Variants in LSAMP observed in about 807,000 individuals in gnomAD.
LSAMP encodes the protein limbic system associated membrane protein.
LSAMP carries 7 observed loss-of-function variants against 38.6 expected under a neutral mutation model. The ratio of observed to expected loss-of-function variants is 0.18; its 90% CI spans 0.10 to 0.34. The LOEUF (loss-of-function observed/expected upper bound fraction) is 0.34. Ranked by LOEUF, LSAMP falls within the 10% of genes least tolerant of loss-of-function variation. The probability of loss-of-function intolerance (pLI) is 1.00; values close to 1 mark genes in which losing one functional copy is unlikely to be tolerated. For missense variants in LSAMP, 313 were observed against 420.0 expected (o/e 0.75, Z 2.23); for synonymous variants, 154 against 166.8 (o/e 0.92, Z 0.59).
chr3:116,262,516 G>A (rs2046837455), intron 1 of LSAMP, among the ~76,000 whole-genome samples: 1 of 152,150 alleles, frequency 6.6e-6, no homozygotes, highest in Non-Finnish European at 1.5e-5. Context: ...AGATGCCCAA[G>A]CCCTGTCTGG....
chr3:115,992,038 A>G (rs1449205763), intron 3 of LSAMP, among the ~76,000 whole-genome samples: 1 of 152,090 alleles, frequency 6.6e-6, no homozygotes, highest in Non-Finnish European at 1.5e-5. Context: ...GGTGGACAGC[A>G]TGGATGTAGA....
At chr3:116,197,130 GACACAC>G (rs10650049) in intron 1 of LSAMP, among the ~76,000 whole-genome samples, 16 of 136,744 alleles carry the variant, frequency 1.2e-4, no homozygotes, top group East Asian at 8.6e-4. Flanking sequence ...ATCCCACTCG[GACACAC>G]ACACACACAC....
intron 2 of LSAMP, among the ~76,000 whole-genome samples, chr3:116,049,999 C>T (rs1274157602): frequency 6.6e-6 from 1 of 152,150 alleles, no homozygotes; most frequent in Non-Finnish European, 1.5e-5. Context: ...AGTGGCCCAT[C>T]CCCTGATGTC....
intron 3 of LSAMP, among the ~76,000 whole-genome samples, chr3:115,982,604 A>T (rs9873260): frequency 6.6e-6 from 1 of 151,748 alleles, no homozygotes; most frequent in Non-Finnish European, 1.5e-5. Context: ...TCAGGTTTTT[A>T]AAAACCTTTT....
In LSAMP at chr3:115,858,127, G is replaced by A. The variant is rs144945995; in HGVS notation, c.515-5510C>T. 8.9e-3 allele frequency among the ~76,000 whole-genome samples: 1,214 copies of A among 136,332 alleles called. 21 individuals are homozygous for A. Among genetic ancestry groups the A allele is most frequent in the Admixed American group, 0.041 (530 of 12,878 alleles). The allele number at this position is 136,332 out of a possible 152,430, so 89.4% of individuals were successfully genotyped here. On this transcript the variant is annotated intron_variant, in intron 3 of 6. Coordinates refer to ENST00000490035, the MANE Select transcript of LSAMP (RefSeq NM_002338.5). ...TTCTCTCCTCCCTCTCCCTCCTTCC[G>A]TCCTCCCATCTCTCTCTCTCTCTCT...
intron 1 of LSAMP, among the ~76,000 whole-genome samples, chr3:116,329,555 G>T (rs2107739144): frequency 6.6e-6 from 1 of 152,080 alleles, no homozygotes; most frequent in South Asian, 2.1e-4. Flanking sequence ...AAAATTTGAT[G>T]ATGTTATATA....
rs1389635693 is a variant in LSAMP, at chr3:115,805,930, A to G, written c.*4387T>C. On this transcript the variant is annotated 3_prime_UTR_variant, in exon 7 of 7. Transcript: ENST00000490035. Reference sequence around the variant, plus strand: ...GCAAGGAGGAGGCTTCCTAAACTGCATTTTTGTTTCTTATCTCACCATTTT... The same window carrying G: ...GCAAGGAGGAGGCTTCCTAAACTGCGTTTTTGTTTCTTATCTCACCATTTT... 2 of 152,208 alleles carry G rather than the reference A, an allele frequency of 1.3e-5. No homozygotes were observed. Among genetic ancestry groups the G allele is most frequent in the Non-Finnish European group, 2.9e-5 (2 of 68,030 alleles). The allele number at this position is 152,208 out of a possible 1,614,324, so 9.4% of individuals were successfully genotyped here.
At chr3:116,436,607 T>A (rs768602035) in intron 1 of LSAMP, among the ~76,000 whole-genome samples, 1 of 152,082 alleles carries the variant, frequency 6.6e-6, no homozygotes, top group African/African-American at 2.4e-5. Context: ...ACATTACTAA[T>A]GAAAATCAAA....
chr3:116,096,365 T>C (rs1273036147), intron 1 of LSAMP, among the ~76,000 whole-genome samples: 1 of 152,242 alleles, frequency 6.6e-6, no homozygotes, highest in Non-Finnish European at 1.5e-5. Flanking sequence ...TCCCAGATAT[T>C]GTGGCTCAAT....
intron 3 of LSAMP, among the ~76,000 whole-genome samples, chr3:115,938,470 CA>C (rs2107553385): frequency 6.6e-6 from 1 of 152,194 alleles, no homozygotes; most frequent in East Asian, 1.9e-4. Flanking sequence ...ACAAAAAAGT[CA>C]AGCATCATAT....
intron 1 of LSAMP, among the ~76,000 whole-genome samples, chr3:116,326,280 T>G (rs2047771319): frequency 6.6e-6 from 1 of 152,164 alleles, no homozygotes; most frequent in African/African-American, 2.4e-5. Flanking sequence ...TCATCAGGAT[T>G]TAATCCCTAT....
Position 116,105,893 on chromosome 3 carries a change from G to A in LSAMP, c.156-19337C>T, listed in dbSNP as rs184496801. Among the ~76,000 whole-genome samples, 1,503 of 152,198 alleles carry A rather than the reference G, an allele frequency of 9.9e-3. 19 individuals carry two copies. The highest frequency in any genetic ancestry group is 0.033 in the African/African-American group (1,352 of 41,516). ...GTGGTATGGAGAGAGAATGGGCGAT[G>A]TTTCTCAGGGCTGTTTCAAGCGGGA... On this transcript the variant is annotated intron_variant, in intron 1 of 6. Transcript: ENST00000490035.
rs367804098 is a variant in LSAMP at position 116,207,810 on chromosome 3, C to T, written c.156-121254G>A. Among the ~76,000 whole-genome samples the T allele has an allele frequency of 6.4e-3, 967 of 152,212 alleles. 13 individuals carry two copies. Among genetic ancestry groups the T allele is most frequent in the African/African-American group, 0.022 (910 of 41,524 alleles). On this transcript the variant is annotated intron_variant, in intron 1 of 6. Transcript: ENST00000490035. ...GATGGGCTTCCCTTTGAGGGTAACC[C>T]GACCTTTCTCTTTGGCTGCCCTTAA...
intron 1 of LSAMP, among the ~76,000 whole-genome samples, chr3:116,368,942 G>T (rs959121143): frequency 1.3e-5 from 2 of 152,118 alleles, no homozygotes; most frequent in Non-Finnish European, 1.5e-5. Context: ...TTTATTTTTG[G>T]TAAATAGAAA....
chr3:116,207,260 G>A (rs2046082617), intron 1 of LSAMP, among the ~76,000 whole-genome samples: 1 of 152,108 alleles, frequency 6.6e-6, no homozygotes, highest in Admixed American at 6.6e-5. Context: ...TTGCTTGGTA[G>A]ATCTTCCTCC....
chr3:116,387,517 AAAAAACTAACAAAC>A (rs2048640653), intron 1 of LSAMP, among the ~76,000 whole-genome samples: 1 of 152,170 alleles, frequency 6.6e-6, no homozygotes, highest in Non-Finnish European at 1.5e-5. Context: ...ATGTATCAAT[AAAAAACTAACAAAC>A]AAAAACTAAC....
chr3:115,834,260 G>A (rs1280683408), intron 6 of LSAMP, among the ~76,000 whole-genome samples: 1 of 152,068 alleles, frequency 6.6e-6, no homozygotes, highest in Non-Finnish European at 1.5e-5. Context: ...TCCCAAATAT[G>A]TGAGTTCCTA....
At chr3:116,048,465 A>C (rs1480470750) in intron 2 of LSAMP, among the ~76,000 whole-genome samples, 1 of 152,250 alleles carries the variant, frequency 6.6e-6, no homozygotes, top group East Asian at 1.9e-4. Flanking sequence ...AAGTATCCAC[A>C]AAAGCACATC....
At chr3:116,111,350 C>T (rs552151319) in intron 1 of LSAMP, among the ~76,000 whole-genome samples, 20 of 152,236 alleles carry the variant, frequency 1.3e-4, no homozygotes, top group Admixed American at 1.0e-3. Flanking sequence ...TTCCTTTGAT[C>T]GACAGTAAGT....
Sources: gnomAD v4.1 joint callset for allele counts (sites outside exome capture counted in the v4.1 genomes callset) on GRCh38, gnomAD v4.1.1 for gene constraint, MANE v1.5 for transcripts, NCBI Gene and HGNC (gene_info 2026-07-23, HGNC 2026-07-21) for gene names.